MUCL1: variants seen among roughly 807,000 people sequenced by gnomAD.
MUCL1 encodes the protein mucin like 1.
Under a neutral mutation model 9.2 loss-of-function variants are expected in MUCL1, and 11 were observed. The observed-to-expected ratio is 1.19, with a 90% CI of 0.75 to 1.97. MUCL1 has a LOEUF of 1.97. Among genes scored for constraint, MUCL1 ranks in the 30% most tolerant of loss-of-function variants. MUCL1 has a pLI of 0.00. For missense variants in MUCL1, 144 were observed against 110.9 expected (o/e 1.30, Z -1.34); for synonymous variants, 48 against 40.5 (o/e 1.19, Z -0.71).
chr12:54,841,251 A>G (rs1959210038), intron 1 of MUCL1, among the ~76,000 whole-genome samples: 1 of 152,164 alleles, frequency 6.6e-6, no homozygotes, highest in Non-Finnish European at 1.5e-5. Flanking sequence ...TTATTAACCG[A>G]CACTTAGATT....
chr12:54,843,983 G>A (rs1368233516), intron 1 of MUCL1, among the ~76,000 whole-genome samples: 1 of 152,082 alleles, frequency 6.6e-6, no homozygotes, highest in Admixed American at 6.5e-5. Flanking sequence ...ATTAGGTAAT[G>A]TCTTAACCTT....
At chr12:54,852,028 C>T (rs1015618182), upstream of MUCL1, among the ~76,000 whole-genome samples, 7 of 152,164 alleles carry the variant, frequency 4.6e-5, no homozygotes, top group African/African-American at 1.4e-4. Flanking sequence ...AATGGAAGAA[C>T]ATTCCATGCT....
chr12:54,856,091 T>C (rs1420949000), intron 2 of MUCL1, among the ~76,000 whole-genome samples: 1 of 146,176 alleles, frequency 6.8e-6, no homozygotes, highest in Non-Finnish European at 1.5e-5. Flanking sequence ...CAGTCCCCTT[T>C]GTACATATAG....
rs1327561458 is a variant in MUCL1 at position 54,858,252 on chromosome 12, A to G, written c.*10A>G. ...TAGAGTGTGTCCCTGAGATGGAATC[A>G]GCTTGAGTCTTCTGCAATTGGTCAC... is the stretch of plus-strand genomic sequence containing the variant. On this transcript the variant is annotated 3_prime_UTR_variant, in exon 4 of 4. Coordinates refer to ENST00000308796, the MANE Select transcript of MUCL1 (RefSeq NM_058173.3). 3.1e-6 allele frequency: 5 copies of G among 1,613,370 alleles called. No individual in the cohort carries two copies. Among genetic ancestry groups the G allele is most frequent in the Middle Eastern group, 1.6e-4 (1 of 6,078 alleles).
At chr12:54,852,094 T>C (rs569548719), upstream of MUCL1, among the ~76,000 whole-genome samples, 28 of 152,312 alleles carry the variant, frequency 1.8e-4, no homozygotes, top group Middle Eastern at 3.4e-3. Flanking sequence ...AGGTAATTTA[T>C]AGATTCAATG....
chr12:54,858,213 G>A lies in MUCL1; in HGVS notation c.244G>A (p.Asp82Asn). 1 of 1,613,502 alleles carries A rather than the reference G, an allele frequency of 6.2e-7. No homozygotes were observed. The highest frequency in any genetic ancestry group is 8.5e-7 in the Non-Finnish European group (1 of 1,179,602). Residue 82 changes from aspartate (D) to asparagine (N), a missense_variant, in exon 4 of 4, where the codon GAT becomes AAT. Transcript: ENST00000308796. Reference sequence around the variant, plus strand: ...TGCAGTTTTACCCAAATGGGTTGGGGATCTCCCGAATGGTAGAGTGTGTCC... The same window carrying A: ...TGCAGTTTTACCCAAATGGGTTGGGAATCTCCCGAATGGTAGAGTGTGTCC... ...DIPVLPKWVG[D>N]LPNGRVCP is the part of the protein sequence containing the mutation.
Position 54,856,722 on chromosome 12 carries a change from G to T in MUCL1, c.101-48G>T, listed in dbSNP as rs575091928. 2.6e-5 allele frequency: 41 copies of T among 1,560,804 alleles called. No individual in the cohort carries two copies. In the East Asian group the frequency reaches 7.9e-4, roughly 30 times the overall value. On this transcript the variant is annotated intron_variant, in intron 2 of 3. Transcript: ENST00000308796. ...TCTACCCCTGGGTGGGATAAATTTT[G>T]TTCCAGAAGGAGTCAGTCTCACCTA...
chr12:54,839,362 G>C, upstream of MUCL1: 1 of 701,264 alleles, frequency 1.4e-6, no homozygotes, highest in East Asian at 2.7e-5. Context: ...TTCTCCCTCA[G>C]TATTTTATTT....
upstream of MUCL1, among the ~76,000 whole-genome samples, chr12:54,850,243 T>A: frequency 6.6e-6 from 1 of 152,118 alleles, no homozygotes; most frequent in Non-Finnish European, 1.5e-5. Flanking sequence ...ATGTGCCATG[T>A]TGGGGTGCTG....
At chr12:54,849,801 A>G (rs554202448), upstream of MUCL1, among the ~76,000 whole-genome samples, 1 of 152,254 alleles carries the variant, frequency 6.6e-6, no homozygotes, top group African/African-American at 2.4e-5. Context: ...TGAATTTTAG[A>G]TCCCTCTTAA....
chr12:54,852,115 C>A (rs1215724572), upstream of MUCL1, among the ~76,000 whole-genome samples: 2 of 152,172 alleles, frequency 1.3e-5, no homozygotes, highest in Non-Finnish European at 2.9e-5. Context: ...CCATCCCCAT[C>A]AAGCTACCAA....
chr12:54,855,073 T>G (rs1190711949), intron 1 of MUCL1, 43 bp from the exon 2 acceptor site: 1 of 1,579,044 alleles, frequency 6.3e-7, no homozygotes, highest in Non-Finnish European at 8.7e-7. Flanking sequence ...TCCTCCAAAC[T>G]GGTATTCAGC....
upstream of MUCL1, among the ~76,000 whole-genome samples, chr12:54,850,494 A>T (rs190874614): frequency 2.0e-5 from 3 of 151,800 alleles, no homozygotes; most frequent in Admixed American, 2.0e-4. Context: ...TGAACTCATC[A>T]TTTTTTATGG....
intron 1 of MUCL1, among the ~76,000 whole-genome samples, chr12:54,833,694 C>A (rs1328932118): frequency 1.3e-5 from 2 of 151,806 alleles, no homozygotes; most frequent in Non-Finnish European, 2.9e-5. Context: ...AGCTGGAAAC[C>A]ATCATTCTCA....
intron 1 of MUCL1, among the ~76,000 whole-genome samples, chr12:54,832,596 G>A (rs367647737): frequency 6.6e-6 from 1 of 151,914 alleles, no homozygotes; most frequent in Admixed American, 6.6e-5. Context: ...CTACTTACTC[G>A]TCTATTTAAA....
intron 1 of MUCL1, among the ~76,000 whole-genome samples, chr12:54,846,851 G>A (rs184980714): frequency 4.1e-5 from 6 of 147,910 alleles, no homozygotes; most frequent in African/African-American, 1.5e-4. Flanking sequence ...AGCTTTAGGT[G>A]TATGCTGTTT....
upstream of MUCL1, chr12:54,854,502 G>C: frequency 9.2e-7 from 1 of 1,084,460 alleles, no homozygotes; most frequent in Non-Finnish European, 1.4e-6. Flanking sequence ...GTCAGGATGT[G>C]GAATCCTGAA....
Position 54,858,234 on chromosome 12 carries a change from T to C in MUCL1, c.265T>C (p.Cys89Arg). ...TGGGGATCTCCCGAATGGTAGAGTG[T>C]GTCCCTGAGATGGAATCAGCTTGAG... ...WVGDLPNGRV[C>R]P The change falls in exon 4 of 4, where the codon TGT becomes CGT. Residue 89 changes from cysteine (C) to arginine (R), a missense_variant. Coordinates refer to ENST00000308796, the MANE Select transcript of MUCL1 (RefSeq NM_058173.3). 1.9e-6 allele frequency: 3 copies of C among 1,613,576 alleles called. No individual in the cohort carries two copies. Among genetic ancestry groups the C allele is most frequent in the Non-Finnish European group, 2.5e-6 (3 of 1,179,616 alleles).
At chr12:54,854,493 T>C, upstream of MUCL1, 1 of 1,002,116 alleles carries the variant, frequency 1.0e-6, no homozygotes, top group Non-Finnish European at 1.5e-6. Flanking sequence ...ATATATATTG[T>C]CAGGATGTGG....
Sources: allele counts gnomAD v4.1 joint callset (sites outside exome capture counted in the v4.1 genomes callset), GRCh38; gene constraint gnomAD v4.1.1; transcripts MANE v1.5; gene names NCBI Gene and HGNC (gene_info 2026-07-23, HGNC 2026-07-21).